The following TTF1 variants were observed in gnomAD, a reference collection of about 807,000 sequenced individuals.
TTF1 encodes transcription termination factor 1, also known as transcription termination factor, RNA polymerase I.
TTF1 carries 64 observed loss-of-function variants against 80.2 expected under a neutral mutation model. The ratio of observed to expected loss-of-function variants is 0.80; its 90% CI spans 0.65 to 0.98. The LOEUF (loss-of-function observed/expected upper bound fraction) is 0.98. Among genes scored for constraint, TTF1 ranks in the 50% least tolerant of loss-of-function variants. The pLI, the probability that TTF1 is intolerant of heterozygous loss-of-function variation, is 0.00. For missense variants in TTF1, 1,023 were observed against 1,086.2 expected, an observed-to-expected ratio of 0.94 and a Z score of 0.82; for synonymous variants, 372 against 382.7, an observed-to-expected ratio of 0.97 and a Z score of 0.33.
chr9:132,400,918 G>A (rs1183161490), intron 2 of TTF1, among the ~76,000 whole-genome samples: 4 of 152,122 alleles, frequency 2.6e-5, no homozygotes, highest in East Asian at 1.9e-4. Flanking sequence ...AGTGAAAATC[G>A]AATCTGTCTT....
intron 10 of TTF1, among the ~76,000 whole-genome samples, chr9:132,376,691 C>T (rs1265376665): frequency 1.4e-5 from 2 of 143,468 alleles, no homozygotes; most frequent in Non-Finnish European, 3.0e-5. Flanking sequence ...GAGATAGGGT[C>T]TCGCTCTGTC....
intron 5 of TTF1, among the ~76,000 whole-genome samples, chr9:132,393,093 A>G (rs1462374428): frequency 6.6e-6 from 1 of 152,244 alleles, no homozygotes; most frequent in Non-Finnish European, 1.5e-5. Context: ...AAGTTCCATG[A>G]GGGCAGAGAT....
intron 9 of TTF1, among the ~76,000 whole-genome samples, chr9:132,381,232 G>C (rs571737015): frequency 2.9e-4 from 43 of 149,854 alleles, no homozygotes; most frequent in African/African-American, 1.0e-3. Flanking sequence ...CTGGCTCTGT[G>C]GCCCAGGCTG....
Position 132,394,570 on chromosome 9 carries a change from T to G in TTF1, c.1856+1863A>C, listed in dbSNP as rs528613185. Reference sequence around the variant, plus strand: ...GCTGGGAATTATAGGTGTGAGCCACTGTGCCTGGCCTACTTTTCACTATTA... The same window carrying G: ...GCTGGGAATTATAGGTGTGAGCCACGGTGCCTGGCCTACTTTTCACTATTA... On this transcript the variant is annotated intron_variant, in intron 5 of 10. Coordinates refer to ENST00000334270, the MANE Select transcript of TTF1 (RefSeq NM_007344.4). 1.8e-4 allele frequency among the ~76,000 whole-genome samples: 27 copies of G among 152,086 alleles called. 1 individual carries two copies. Among genetic ancestry groups the G allele is most frequent in the African/African-American group, 6.3e-4 (26 of 41,540 alleles).
At chr9:132,404,390 C>CT (rs1564191878) in intron 1 of TTF1, among the ~76,000 whole-genome samples, 1 of 152,130 alleles carries the variant, frequency 6.6e-6, no homozygotes, top group African/African-American at 2.4e-5. Flanking sequence ...CACATCCTCT[C>CT]TCTCTCTGTC....
intron 5 of TTF1, among the ~76,000 whole-genome samples, chr9:132,392,699 T>C (rs1319402454): frequency 6.6e-6 from 1 of 152,178 alleles, no homozygotes; most frequent in Admixed American, 6.6e-5. Context: ...AGACCAGCAC[T>C]GCCCAACAGA....
intron 9 of TTF1, among the ~76,000 whole-genome samples, chr9:132,382,031 G>A (rs1006489698): frequency 1.3e-5 from 2 of 152,140 alleles, no homozygotes; most frequent in African/African-American, 4.8e-5. Context: ...ACTGATCCCC[G>A]AGCCCCATGA....
chr9:132,394,599 A>T (rs1331006582), intron 5 of TTF1, among the ~76,000 whole-genome samples: 1 of 152,030 alleles, frequency 6.6e-6, no homozygotes, highest in East Asian at 2.0e-4. Context: ...ACTATTAAGA[A>T]TCATGGCTGT....
intron 3 of TTF1, 73 bp downstream of exon 3, chr9:132,399,962 A>T: frequency 2.1e-6 from 3 of 1,447,820 alleles, no homozygotes; most frequent in Non-Finnish European, 1.9e-6. Flanking sequence ...AATCTGAATC[A>T]TCCATAAAAG....
intron 9 of TTF1, among the ~76,000 whole-genome samples, chr9:132,382,451 C>T (rs1198128535): frequency 2.6e-5 from 4 of 152,266 alleles, no homozygotes; most frequent in Admixed American, 1.3e-4. Context: ...TACCTTGTGA[C>T]GTAATGCAGT....
intron 10 of TTF1, among the ~76,000 whole-genome samples, chr9:132,376,868 A>G (rs1849187635): frequency 6.6e-6 from 1 of 151,730 alleles, no homozygotes; most frequent in African/African-American, 2.4e-5. Flanking sequence ...TTTTGTAGAG[A>G]TAGGTGTGTG....
Position 132,401,720 on chromosome 9 carries a change from C to G in TTF1, c.1102G>C (p.Gly368Arg). The stretch of plus-strand genomic sequence containing the variant: ...AGAGCTGTACTGCCTTCCACAGTCC[C>G]AACCTCACTGCCCACCTGTGATCCT... ...PEGSQVGSEV[G>R]TVEGSTALKG... The change falls in exon 2 of 11, where the codon GGG (glycine) becomes CGG (arginine). Residue 368 changes from glycine to arginine, a missense_variant. Physicochemically the swap from Gly to Arg is moderately radical, Grantham distance 125. Coordinates refer to ENST00000334270, the MANE Select transcript of TTF1 (RefSeq NM_007344.4). 1 of 1,614,152 alleles carries G rather than the reference C, an allele frequency of 6.2e-7. No homozygotes were observed. The highest frequency in any genetic ancestry group is 2.2e-5 in the East Asian group (1 of 44,886).
chr9:132,381,807 A>C (rs1268759529), intron 9 of TTF1, among the ~76,000 whole-genome samples: 1 of 152,228 alleles, frequency 6.6e-6, no homozygotes, highest in African/African-American at 2.4e-5. Flanking sequence ...CAAACCATAA[A>C]TAACTAACCA....
At chr9:132,379,174 CAA>C (rs1157683138) in intron 9 of TTF1, 30 bp from the exon 10 acceptor site, 2 of 1,529,650 alleles carry the variant, frequency 1.3e-6, no homozygotes, top group Non-Finnish European at 1.8e-6. Flanking sequence ...AGATAAAAAG[CAA>C]GTTAGTTTAA....
intron 9 of TTF1, among the ~76,000 whole-genome samples, chr9:132,380,629 G>A (rs1463887227): frequency 2.0e-5 from 3 of 152,190 alleles, no homozygotes; most frequent in South Asian, 4.1e-4. Context: ...TGATCTGGAC[G>A]TTTTAAAACC....
rs763236931 is a variant in TTF1, at chr9:132,400,144, G to A, written c.1482C>T (p.Ala494=). ...ADDSDADLGS[A]VKQLQEFIPN... ...GAATGAACTCCTGAAGCTGTTTCACGGCAGAACCCAAATCCGCATCTGAAT... is the reference window on the plus strand; with the variant it reads ...GAATGAACTCCTGAAGCTGTTTCACAGCAGAACCCAAATCCGCATCTGAAT... The change falls in exon 3 of 11, where the codon GCC becomes GCT. Residue 494 remains alanine (A), a synonymous_variant. Transcript: ENST00000334270. The A allele has an allele frequency of 5.0e-6, 8 of 1,613,948 alleles. No individual in the cohort carries two copies. Among genetic ancestry groups the A allele is most frequent in the African/African-American group, 1.3e-5 (1 of 74,844 alleles).
intron 10 of TTF1, 133 bp downstream of exon 10, chr9:132,378,926 C>A: frequency 1.7e-6 from 1 of 602,722 alleles, no homozygotes. Context: ...GGATTATAAT[C>A]TGCCTGTTTC....
chr9:132,379,033 G>C (rs1257223973), intron 10 of TTF1, 26 bp downstream of exon 10: 1 of 1,550,868 alleles, frequency 6.4e-7, no homozygotes, highest in African/African-American at 1.4e-5. Context: ...CATGTTCTTA[G>C]CCATATAAAT....
At chr9:132,383,870 T>C (rs1849415104) in intron 9 of TTF1, among the ~76,000 whole-genome samples, 1 of 152,228 alleles carries the variant, frequency 6.6e-6, no homozygotes, top group African/African-American at 2.4e-5. Flanking sequence ...CATGATTTTT[T>C]GTAGCTATAA....
Sources: allele counts gnomAD v4.1 joint callset (sites outside exome capture counted in the v4.1 genomes callset), GRCh38; gene constraint gnomAD v4.1.1; transcripts MANE v1.5; gene names NCBI Gene and HGNC (gene_info 2026-07-23, HGNC 2026-07-21).